The following BNC2 variants were observed in gnomAD, a reference collection of about 807,000 sequenced individuals.
The protein encoded by BNC2 is zinc finger protein basonuclin-2.
BNC2 carries 20 observed loss-of-function variants against 76.3 expected under a neutral mutation model. The ratio of observed to expected loss-of-function variants is 0.26; its 90% CI spans 0.18 to 0.38. BNC2 has a LOEUF of 0.38. Among genes scored for constraint, BNC2 ranks in the 10% least tolerant of loss-of-function variants. BNC2 has a pLI of 1.00. For missense variants in BNC2, 1,382 were observed against 1,399.8 expected (o/e 0.99, Z 0.20); for synonymous variants, 582 against 514.8 (o/e 1.13, Z -1.77).
intron 5 of BNC2, among the ~76,000 whole-genome samples, chr9:16,455,583 G>C (rs555792781): frequency 2.6e-5 from 4 of 152,296 alleles, no homozygotes; most frequent in Admixed American, 1.3e-4. Flanking sequence ...CTGAGGTCAG[G>C]AGTTTAAGAC....
chr9:16,557,917 G>C (rs938713085), intron 4 of BNC2, among the ~76,000 whole-genome samples: 7 of 151,724 alleles, frequency 4.6e-5, no homozygotes, highest in African/African-American at 1.5e-4. Flanking sequence ...TTGGAGTGCA[G>C]TGGCAGGATC....
intron 5 of BNC2, among the ~76,000 whole-genome samples, chr9:16,485,792 G>T (rs1417495899): frequency 5.3e-5 from 8 of 152,068 alleles, no homozygotes; most frequent in Admixed American, 5.2e-4. Context: ...CTGGGCAACA[G>T]AGTGAGACCC....
chr9:16,677,211 G>A (rs1447615840), intron 3 of BNC2, among the ~76,000 whole-genome samples: 1 of 152,150 alleles, frequency 6.6e-6, no homozygotes, highest in Non-Finnish European at 1.5e-5. Context: ...CTGTCCGACA[G>A]TGTCAAGAGA....
intron 3 of BNC2, among the ~76,000 whole-genome samples, chr9:16,614,222 C>T (rs1271875411): frequency 1.3e-5 from 2 of 152,174 alleles, no homozygotes; most frequent in Non-Finnish European, 2.9e-5. Context: ...TACGGAAGAA[C>T]TTCTAGTAGA....
intron 3 of BNC2, among the ~76,000 whole-genome samples, chr9:16,722,343 G>T (rs1163587266): frequency 1.3e-5 from 2 of 152,206 alleles, no homozygotes; most frequent in African/African-American, 4.8e-5. Flanking sequence ...CCTGACATGG[G>T]AGTGGGAGGA....
At chr9:16,447,284 A>G (rs1440111108) in intron 5 of BNC2, among the ~76,000 whole-genome samples, 1 of 152,138 alleles carries the variant, frequency 6.6e-6, no homozygotes, top group African/African-American at 2.4e-5. Context: ...ATTAGGCTAA[A>G]TATAACATAC....
rs544100687 is a variant in BNC2 at position 16,620,751 on chromosome 9, CT to C, written c.331-37667del. Among the ~76,000 whole-genome samples the C allele has an allele frequency of 1.5e-3, 224 of 152,296 alleles. 1 individual carries two copies. Among genetic ancestry groups the C allele is most frequent in the African/African-American group, 5.0e-3 (209 of 41,558 alleles). On this transcript the variant is annotated intron_variant, in intron 3 of 6. Transcript: ENST00000380672. ...TTTAAAATTCAGCATATGAACAATG[CT>C]GATCATTCTGAAAACAATTTATAAA...
intron 4 of BNC2, among the ~76,000 whole-genome samples, chr9:16,577,075 C>A (rs1256680898): frequency 6.6e-6 from 1 of 152,146 alleles, no homozygotes; most frequent in African/African-American, 2.4e-5. Context: ...GACCAATAGC[C>A]CTGATTTAGG....
intron 4 of BNC2, among the ~76,000 whole-genome samples, chr9:16,581,898 C>G (rs1338912510): frequency 6.6e-6 from 1 of 152,072 alleles, no homozygotes; most frequent in Non-Finnish European, 1.5e-5. Context: ...TACCCCTTCC[C>G]GGGTATTCCT....
chr9:16,637,204 T>C (rs1821354452), intron 3 of BNC2, among the ~76,000 whole-genome samples: 1 of 152,138 alleles, frequency 6.6e-6, no homozygotes, highest in Non-Finnish European at 1.5e-5. Flanking sequence ...ACAATCCCCA[T>C]ATATGAGCTC....
rs76832820 is a variant in BNC2, at chr9:16,615,740, T to C, written c.331-32655A>G. Among the ~76,000 whole-genome samples, 1,053 of 152,316 alleles carry C rather than the reference T, an allele frequency of 6.9e-3. 6 individuals carry two copies. Among genetic ancestry groups the C allele is most frequent in the African/African-American group, 0.024 (979 of 41,582 alleles). On this transcript the variant is annotated intron_variant, in intron 3 of 6. Transcript: ENST00000380672. ...AATTTGTATGCTTTTCTTTGTTAAT[T>C]TGTCTTTTGTTACAGAGTTAGCAGC...
intron 5 of BNC2, among the ~76,000 whole-genome samples, chr9:16,512,347 A>G (rs1822776259): frequency 6.6e-6 from 1 of 152,234 alleles, no homozygotes; most frequent in Non-Finnish European, 1.5e-5. Context: ...CTAAAATATC[A>G]TGAGTCATAA....
At chr9:16,520,808 G>A (rs578102297) in intron 5 of BNC2, among the ~76,000 whole-genome samples, 25 of 152,244 alleles carry the variant, frequency 1.6e-4, no homozygotes, top group Admixed American at 1.6e-3. Context: ...CTTATATCAG[G>A]CCACTTGAAT....
rs190511740 is a variant in BNC2 at position 16,566,826 on chromosome 9, C to A, written c.434-14061G>T. On this transcript the variant is annotated intron_variant, in intron 4 of 6. Transcript: ENST00000380672. ...CATCTATAAAGACAGGATTATTTTTCTTTTGTAAAAGACCTGGAGGAAAAA... is the reference window on the plus strand; with the variant it reads ...CATCTATAAAGACAGGATTATTTTTATTTTGTAAAAGACCTGGAGGAAAAA... 1.7e-3 allele frequency among the ~76,000 whole-genome samples: 252 copies of A among 152,220 alleles called. 2 individuals are homozygous for A. The highest frequency in any genetic ancestry group is 5.8e-3 in the African/African-American group (240 of 41,548).
intron 1 of BNC2, among the ~76,000 whole-genome samples, chr9:16,822,683 T>C (rs1818366902): frequency 6.6e-6 from 1 of 152,166 alleles, no homozygotes; most frequent in African/African-American, 2.4e-5. Context: ...ATAAAGCAAA[T>C]TCACATCAGA....
intron 1 of BNC2, among the ~76,000 whole-genome samples, chr9:16,807,007 CTCTT>C (rs1431023157): frequency 9.9e-6 from 1 of 100,946 alleles, no homozygotes; most frequent in African/African-American, 2.5e-5. Flanking sequence ...CTACTTTCTT[CTCTT>C]TTTTTCAGGT....
At chr9:16,753,151 C>A (rs2039189) in intron 1 of BNC2, among the ~76,000 whole-genome samples, 130,758 of 151,900 alleles carry the variant, frequency 0.86, 56,659 homozygotes, top group Non-Finnish European at 0.91. Context: ...TGAATAGTAA[C>A]AATGGCTGTT....
intron 3 of BNC2, among the ~76,000 whole-genome samples, chr9:16,696,062 CCA>C (rs1432295566): frequency 6.6e-6 from 1 of 152,174 alleles, no homozygotes; most frequent in East Asian, 1.9e-4. Flanking sequence ...CAGCTGTCCC[CCA>C]CACACTTTCC....
chr9:16,775,744 CA>C, intron 1 of BNC2: 1 of 208,110 alleles, frequency 4.8e-6, no homozygotes, highest in Non-Finnish European at 1.1e-5. Flanking sequence ...TTTCCAAGTC[CA>C]AATTGATCAA....
Sources: gnomAD v4.1 joint callset for allele counts (sites outside exome capture counted in the v4.1 genomes callset) on GRCh38, gnomAD v4.1.1 for gene constraint, MANE v1.5 for transcripts, NCBI Gene and HGNC (gene_info 2026-07-23, HGNC 2026-07-21) for gene names.